METAP1D: variants seen among roughly 807,000 people sequenced by gnomAD.
METAP1D encodes methionine aminopeptidase 1D, mitochondrial.
A neutral mutation model predicts 40.5 loss-of-function variants in METAP1D; 31 were observed. That is an observed-to-expected ratio of 0.77 (90% CI 0.58 to 1.03). The LOEUF (loss-of-function observed/expected upper bound fraction) is 1.03. Among genes scored for constraint, METAP1D ranks in the 50% least tolerant of loss-of-function variants. METAP1D has a pLI of 0.00. For missense variants in METAP1D, 411 were observed against 420.7 expected (o/e 0.98, Z 0.20); for synonymous variants, 151 against 146.4 (o/e 1.03, Z -0.22).
chr2:172,030,904 A>G (rs1487936939), intron 1 of METAP1D, among the ~76,000 whole-genome samples: 1 of 152,230 alleles, frequency 6.6e-6, no homozygotes, highest in Non-Finnish European at 1.5e-5. Flanking sequence ...TAGTTTTAAG[A>G]AATTACTTTT....
chr2:172,027,001 G>A (rs1275027904), intron 1 of METAP1D, among the ~76,000 whole-genome samples: 2 of 152,074 alleles, frequency 1.3e-5, no homozygotes, highest in East Asian at 3.8e-4. Context: ...CCTCCTTCAG[G>A]GCAACATAAA....
intron 1 of METAP1D, among the ~76,000 whole-genome samples, chr2:172,017,306 C>G (rs1238251675): frequency 6.7e-6 from 1 of 148,352 alleles, no homozygotes; most frequent in Non-Finnish European, 1.5e-5. Flanking sequence ...TAAAACCTTT[C>G]ATGGAACAAG....
intron 1 of METAP1D, among the ~76,000 whole-genome samples, chr2:172,005,698 C>T (rs555720973): frequency 5.5e-4 from 83 of 151,376 alleles, no homozygotes; most frequent in African/African-American, 1.9e-3. Flanking sequence ...CCACCATGCC[C>T]GGCTAATTTT....
chr2:172,033,089 T>TA (rs1200331624), intron 1 of METAP1D, among the ~76,000 whole-genome samples: 2 of 151,076 alleles, frequency 1.3e-5, no homozygotes, highest in Admixed American at 6.6e-5. Flanking sequence ...TAAATAAAAA[T>TA]AAAAAAATCA....
intron 1 of METAP1D, among the ~76,000 whole-genome samples, chr2:172,050,399 T>G (rs1689862114): frequency 6.6e-6 from 1 of 152,082 alleles, no homozygotes; most frequent in Non-Finnish European, 1.5e-5. Context: ...TGGAGGTTTT[T>G]TTAAGAATTA....
intron 1 of METAP1D, among the ~76,000 whole-genome samples, chr2:172,034,405 TTGTG>T (rs377629727): frequency 1.5e-4 from 21 of 142,196 alleles, no homozygotes; most frequent in Middle Eastern, 3.5e-3. Flanking sequence ...GTCTCAGTTT[TTGTG>T]TGTGTGTGTG....
intron 1 of METAP1D, among the ~76,000 whole-genome samples, chr2:172,025,731 C>G (rs1689107390): frequency 6.6e-6 from 1 of 151,898 alleles, no homozygotes; most frequent in Non-Finnish European, 1.5e-5. Flanking sequence ...TTTTAAGAGT[C>G]TGGGTCGCTT....
At chr2:172,065,487 CT>C in intron 3 of METAP1D, 116 bp from the exon 4 acceptor site, 10 of 1,014,890 alleles carry the variant, frequency 9.9e-6, no homozygotes, top group Non-Finnish European at 1.3e-5. Flanking sequence ...TGTACCATAA[CT>C]TTATCATAGT....
At position 172,080,594 on chromosome 2, in the gene METAP1D, G is replaced by C; in HGVS notation, c.*188G>C. Reference sequence around the variant, plus strand: ...GGAACTCGGATCTGAAGCCCTGCTGGGGTCGCGCGGCTTTGGAAAAACAAA... The same window carrying C: ...GGAACTCGGATCTGAAGCCCTGCTGCGGTCGCGCGGCTTTGGAAAAACAAA... On this transcript the variant is annotated 3_prime_UTR_variant, in exon 10 of 10. Coordinates refer to ENST00000315796, the MANE Select transcript of METAP1D (RefSeq NM_199227.3). The C allele has an allele frequency of 1.6e-6, 1 of 641,212 alleles. No homozygotes were observed. The highest frequency in any genetic ancestry group is 2.7e-6 in the Non-Finnish European group (1 of 371,842). 39.7% of individuals were successfully genotyped at this position (641,212 alleles called of 1,614,324 possible).
At chr2:172,029,498 T>C (rs924182787) in intron 1 of METAP1D, among the ~76,000 whole-genome samples, 2 of 152,210 alleles carry the variant, frequency 1.3e-5, no homozygotes, top group Admixed American at 1.3e-4. Flanking sequence ...CCAGCACATT[T>C]TAGTTCTTGC....
chr2:172,002,809 A>G (rs1688495592), intron 1 of METAP1D, among the ~76,000 whole-genome samples: 1 of 152,186 alleles, frequency 6.6e-6, no homozygotes, highest in Non-Finnish European at 1.5e-5. Context: ...TTCATGTACC[A>G]GGATTTATTA....
At position 172,029,011 on chromosome 2, in the gene METAP1D, C is replaced by T. The variant is rs140746515; in HGVS notation, c.40+29002C>T. Among the ~76,000 whole-genome samples, 226 of 152,244 alleles carry T rather than the reference C, an allele frequency of 1.5e-3. 4 individuals carry two copies. In the Middle Eastern group the frequency reaches 0.034, roughly 23 times the overall value. ...GTAGGAAAATAGAAGAATAAGAATTCAGTAGACATGCATGGTCAAACCATA... is the reference window on the plus strand; with the variant it reads ...GTAGGAAAATAGAAGAATAAGAATTTAGTAGACATGCATGGTCAAACCATA... On this transcript the variant is annotated intron_variant, in intron 1 of 9. Coordinates refer to ENST00000315796, the MANE Select transcript of METAP1D (RefSeq NM_199227.3).
At chr2:172,016,108 CAAAA>C (rs1249461755) in intron 1 of METAP1D, among the ~76,000 whole-genome samples, 7 of 128,530 alleles carry the variant, frequency 5.4e-5, no homozygotes, top group Non-Finnish European at 8.5e-5. Flanking sequence ...AAAAAAAAAA[CAAAA>C]AAAGAAAAAA....
chr2:172,001,701 G>C (rs1488743053), intron 1 of METAP1D, among the ~76,000 whole-genome samples: 1 of 152,138 alleles, frequency 6.6e-6, no homozygotes, highest in Non-Finnish European at 1.5e-5. Context: ...GTATGGGGAA[G>C]GTGATGTAGC....
intron 4 of METAP1D, among the ~76,000 whole-genome samples, 178 bp downstream of exon 4, chr2:172,065,930 ATT>A (rs2105482369): frequency 6.6e-6 from 1 of 152,344 alleles, no homozygotes; most frequent in African/African-American, 2.4e-5. Context: ...CACCACCACC[ATT>A]TAATGTTTGT....
intron 1 of METAP1D, among the ~76,000 whole-genome samples, chr2:172,017,354 G>GGTATATATGTATATATATGT (rs1688895811): frequency 1.4e-5 from 2 of 145,998 alleles, no homozygotes; most frequent in Admixed American, 6.8e-5. Flanking sequence ...TGTATATATA[G>GGTATATATGTATATATATGT]GTATATATGT....
At chr2:172,031,194 T>C (rs1689234154) in intron 1 of METAP1D, among the ~76,000 whole-genome samples, 1 of 152,208 alleles carries the variant, frequency 6.6e-6, no homozygotes. Context: ...CGTATTAGAA[T>C]TTTCTTTGGG....
chr2:172,027,204 A>G (rs1689137593), intron 1 of METAP1D, among the ~76,000 whole-genome samples: 1 of 152,248 alleles, frequency 6.6e-6, no homozygotes, highest in Non-Finnish European at 1.5e-5. Context: ...CTCTGTGTCT[A>G]GAGTTAGGCA....
chr2:172,016,648 G>C (rs1688874050), intron 1 of METAP1D, among the ~76,000 whole-genome samples: 1 of 151,368 alleles, frequency 6.6e-6, no homozygotes, highest in African/African-American at 2.4e-5. Context: ...AAGAAAGAAA[G>C]AAAAATATGA....
Sources: gnomAD v4.1 joint callset for allele counts (sites outside exome capture counted in the v4.1 genomes callset) on GRCh38, gnomAD v4.1.1 for gene constraint, MANE v1.5 for transcripts, NCBI Gene and HGNC (gene_info 2026-07-23, HGNC 2026-07-21) for gene names.